Variants in SPIDR observed in about 807,000 individuals in gnomAD.
SPIDR encodes the protein DNA repair-scaffolding protein.
Under a neutral mutation model 104.6 loss-of-function variants are expected in SPIDR, and 93 were observed. That is an observed-to-expected ratio of 0.89 (90% CI 0.75 to 1.06). SPIDR has a LOEUF of 1.06. Ranked by LOEUF, SPIDR falls within the 50% of genes least tolerant of loss-of-function variation. The pLI, the probability that SPIDR is intolerant of heterozygous loss-of-function variation, is 0.00. For missense variants in SPIDR, 1,154 were observed against 1,111.2 expected, an observed-to-expected ratio of 1.04 and a Z score of -0.55; for synonymous variants, 431 against 416.9, an observed-to-expected ratio of 1.03 and a Z score of -0.41.
chr8:47,361,787 G>C (rs1246529554), intron 5 of SPIDR, among the ~76,000 whole-genome samples: 1 of 152,188 alleles, frequency 6.6e-6, no homozygotes, highest in African/African-American at 2.4e-5. Flanking sequence ...ACAGATGAGG[G>C]CAGGCAAGGA....
At chr8:47,377,288 A>C (rs1554643044) in intron 5 of SPIDR, among the ~76,000 whole-genome samples, 1 of 152,248 alleles carries the variant, frequency 6.6e-6, no homozygotes, top group Admixed American at 6.5e-5. Flanking sequence ...AAATTAATAC[A>C]ATCCGATAAA....
chr8:47,303,706 C>A (rs1475834463), intron 5 of SPIDR, among the ~76,000 whole-genome samples: 1 of 152,136 alleles, frequency 6.6e-6, no homozygotes, highest in African/African-American at 2.4e-5. Context: ...AAGGGTAAAT[C>A]CCACTTGATC....
chr8:47,522,567 C>G (rs1179837570), intron 8 of SPIDR, among the ~76,000 whole-genome samples: 1 of 152,084 alleles, frequency 6.6e-6, no homozygotes, highest in Non-Finnish European at 1.5e-5. Context: ...AAATGACTCC[C>G]TCACCCTCTC....
At chr8:47,445,519 A>G (rs1283214727) in intron 8 of SPIDR, among the ~76,000 whole-genome samples, 1 of 152,202 alleles carries the variant, frequency 6.6e-6, no homozygotes, top group Non-Finnish European at 1.5e-5. Context: ...TCGCCCTAAT[A>G]TGCCCTCTAA....
chr8:47,321,685 C>T (rs1195918376), intron 5 of SPIDR, among the ~76,000 whole-genome samples: 2 of 152,178 alleles, frequency 1.3e-5, no homozygotes, highest in Non-Finnish European at 2.9e-5. Context: ...TGCTACCTGA[C>T]TTCAAACTAT....
intron 1 of SPIDR, among the ~76,000 whole-genome samples, chr8:47,262,115 A>T (rs1191363542): frequency 3.3e-5 from 5 of 152,090 alleles, no homozygotes; most frequent in Non-Finnish European, 7.4e-5. Context: ...TTTGCTTTGG[A>T]CAATGTCATA....
intron 6 of SPIDR, among the ~76,000 whole-genome samples, chr8:47,398,543 A>C (rs2061495075): frequency 6.6e-6 from 1 of 152,200 alleles, no homozygotes; most frequent in South Asian, 2.1e-4. Flanking sequence ...GAGCAGCTGG[A>C]AGAATGGAGT....
intron 8 of SPIDR, among the ~76,000 whole-genome samples, chr8:47,454,012 C>G (rs1196375446): frequency 6.6e-6 from 1 of 152,190 alleles, no homozygotes; most frequent in Non-Finnish European, 1.5e-5. Flanking sequence ...AATAGGAACA[C>G]TTTTACAGCA....
rs377578444 is a variant in SPIDR at position 47,587,061 on chromosome 8, C to T, written c.1098-8750C>T. Among the ~76,000 whole-genome samples the T allele has an allele frequency of 3.8e-3, 575 of 152,290 alleles. 3 individuals carry two copies. Among genetic ancestry groups the T allele is most frequent in the South Asian group, 0.023 (109 of 4,830 alleles). The stretch of plus-strand genomic sequence containing the variant: ...CTGGGATTACAGACGTGAGCCACTG[C>T]GCTCGGCCTCAAGTTCATTTTAAAC... On this transcript the variant is annotated intron_variant, in intron 8 of 19. Transcript: ENST00000297423.
intron 8 of SPIDR, among the ~76,000 whole-genome samples, chr8:47,508,831 A>G (rs560249341): frequency 6.6e-6 from 1 of 152,322 alleles, no homozygotes; most frequent in Non-Finnish European, 1.5e-5. Context: ...ATAAGTGCTG[A>G]GAAGTCCGGT....
At chr8:47,597,442 T>C (rs1415936928) in intron 9 of SPIDR, among the ~76,000 whole-genome samples, 1 of 152,194 alleles carries the variant, frequency 6.6e-6, no homozygotes, top group African/African-American at 2.4e-5. Context: ...TACTTTTGTT[T>C]ACACCAGCAT....
chr8:47,501,739 C>A (rs1258458430), intron 8 of SPIDR, among the ~76,000 whole-genome samples: 1 of 152,128 alleles, frequency 6.6e-6, no homozygotes, highest in African/African-American at 2.4e-5. Context: ...AAAGGGAATG[C>A]TTCCAGTTTT....
chr8:47,617,301 G>A (rs2064461367), intron 10 of SPIDR, among the ~76,000 whole-genome samples: 1 of 152,080 alleles, frequency 6.6e-6, no homozygotes, highest in Non-Finnish European at 1.5e-5. Context: ...ACCTCCATTG[G>A]TACCTAAGAT....
chr8:47,377,520 G>A (rs2058794540), intron 5 of SPIDR, among the ~76,000 whole-genome samples: 1 of 152,194 alleles, frequency 6.6e-6, no homozygotes, highest in African/African-American at 2.4e-5. Flanking sequence ...CTCTAGCAAT[G>A]AATTATGGCA....
chr8:47,342,694 C>T (rs2051024889), intron 5 of SPIDR, among the ~76,000 whole-genome samples: 1 of 151,944 alleles, frequency 6.6e-6, no homozygotes, highest in South Asian at 2.1e-4. Context: ...TTGTACACTC[C>T]TTTCTTATTA....
rs942997301 is a variant in SPIDR, at chr8:47,279,834, A to G, written c.34-28A>G. 4 of 1,570,800 alleles carry G rather than the reference A, an allele frequency of 2.5e-6. No individual in the cohort carries two copies. In the East Asian group the frequency reaches 6.8e-5, roughly 27 times the overall value. ...AAGTTGATTTTGTTTTTTTGTTTCG[A>G]TTTTTCTTTTAAAAATCATCTCCAC... is the stretch of plus-strand genomic sequence containing the variant. On this transcript the variant is annotated intron_variant, in intron 1 of 19. Coordinates refer to ENST00000297423, the MANE Select transcript of SPIDR (RefSeq NM_001080394.4).
At chr8:47,368,617 G>A (rs2057571394) in intron 5 of SPIDR, among the ~76,000 whole-genome samples, 1 of 152,054 alleles carries the variant, frequency 6.6e-6, no homozygotes, top group Admixed American at 6.6e-5. Context: ...GCGCAGAAGT[G>A]GTTAACATAT....
chr8:47,518,917 G>C (rs892317942), intron 8 of SPIDR, among the ~76,000 whole-genome samples: 6 of 152,128 alleles, frequency 3.9e-5, no homozygotes, highest in Non-Finnish European at 8.8e-5. Context: ...TTACAGGCGT[G>C]ATCCACCGTG....
intron 10 of SPIDR, among the ~76,000 whole-genome samples, chr8:47,658,364 G>A (rs949348299): frequency 2.0e-5 from 3 of 151,562 alleles, no homozygotes; most frequent in Admixed American, 2.0e-4. Context: ...GTTGCAGTGA[G>A]CCGAGATTGC....
Sources: allele counts gnomAD v4.1 joint callset (sites outside exome capture counted in the v4.1 genomes callset), GRCh38; gene constraint gnomAD v4.1.1; transcripts MANE v1.5; gene names NCBI Gene and HGNC (gene_info 2026-07-23, HGNC 2026-07-21).